PPARGC1A: variants seen among roughly 807,000 people sequenced by gnomAD.
PPARGC1A encodes the protein peroxisome proliferator-activated receptor gamma coactivator 1-alpha.
In PPARGC1A, 25 loss-of-function variants were observed where a neutral mutation model predicts 88.7. That is an observed-to-expected ratio of 0.28 (90% confidence interval 0.21 to 0.39). The LOEUF (loss-of-function observed/expected upper bound fraction) is 0.39. Among genes scored for constraint, PPARGC1A ranks in the 10% least tolerant of loss-of-function variants. The pLI is 1.00. For synonymous variants in PPARGC1A, 363 were observed against 355.6 expected (o/e 1.02, Z -0.24); for missense variants, 880 against 968.7 (o/e 0.91, Z 1.22).
chr4:24,272,383 A>T, the PPARGC1A span, among the ~76,000 whole-genome samples: 1 of 152,130 alleles, frequency 6.6e-6, no homozygotes, highest in Non-Finnish European at 1.5e-5. Flanking sequence ...CCAGAGAACC[A>T]CTGAGGAGGC....
chr4:24,039,844 GCCACCACCA>G, the PPARGC1A span, among the ~76,000 whole-genome samples: 1 of 151,970 alleles, frequency 6.6e-6, no homozygotes, highest in African/African-American at 2.4e-5. Flanking sequence ...AGCCACTGCT[GCCACCACCA>G]CCACCACCAT....
At chr4:23,913,636 G>A in the PPARGC1A span, among the ~76,000 whole-genome samples, 1 of 152,140 alleles carries the variant, frequency 6.6e-6, no homozygotes, top group Non-Finnish European at 1.5e-5. Flanking sequence ...ACGAAGACAA[G>A]AACAATGTCT....
chr4:24,163,388 C>T, the PPARGC1A span, among the ~76,000 whole-genome samples: 1 of 151,954 alleles, frequency 6.6e-6, no homozygotes, highest in East Asian at 1.9e-4. Context: ...CCTGAATACA[C>T]AGCCCTGTCG....
At chr4:23,827,985 C>T (rs2109652087) in intron 5 of PPARGC1A, among the ~76,000 whole-genome samples, 1 of 152,198 alleles carries the variant, frequency 6.6e-6, no homozygotes, top group Admixed American at 6.5e-5. Flanking sequence ...CTATTTACTA[C>T]TTCTTAAGGT....
At chr4:24,309,879 A>T in the PPARGC1A span, among the ~76,000 whole-genome samples, 8 of 152,220 alleles carry the variant, frequency 5.3e-5, no homozygotes, top group African/African-American at 1.9e-4. Flanking sequence ...TAATGGTGGT[A>T]AGGGTGATGG....
upstream of PPARGC1A, among the ~76,000 whole-genome samples, chr4:23,904,491 T>C (rs1286069540): frequency 2.0e-5 from 3 of 152,162 alleles, no homozygotes; most frequent in Admixed American, 1.3e-4. Context: ...TGCAAACTGG[T>C]TAATATTGAC....
chr4:24,377,215 A>G, the PPARGC1A span, among the ~76,000 whole-genome samples: 1 of 152,128 alleles, frequency 6.6e-6, no homozygotes, highest in Non-Finnish European at 1.5e-5. Flanking sequence ...TTTCTAGAAC[A>G]ACATTAATTT....
At chr4:24,335,266 AT>A in the PPARGC1A span, among the ~76,000 whole-genome samples, 2 of 152,154 alleles carry the variant, frequency 1.3e-5, no homozygotes, top group African/African-American at 4.8e-5. Flanking sequence ...ATGTCCCCTG[AT>A]TTAGGTATGG....
the PPARGC1A span, among the ~76,000 whole-genome samples, chr4:24,172,421 C>T: frequency 2.0e-5 from 3 of 152,206 alleles, no homozygotes; most frequent in Admixed American, 6.5e-5. Flanking sequence ...GGGGAACACA[C>T]AGATGCATCA....
chr4:23,990,577 T>G, the PPARGC1A span, among the ~76,000 whole-genome samples: 1 of 152,072 alleles, frequency 6.6e-6, no homozygotes, highest in Admixed American at 6.6e-5. Flanking sequence ...TGCCAGCCAC[T>G]CTGGAGACTG....
chr4:24,134,282 C>A, the PPARGC1A span, among the ~76,000 whole-genome samples: 1 of 152,224 alleles, frequency 6.6e-6, no homozygotes, highest in Non-Finnish European at 1.5e-5. Context: ...GACTTCCCTG[C>A]CCTCACGTTA....
At chr4:24,232,730 T>C in the PPARGC1A span, among the ~76,000 whole-genome samples, 14 of 152,232 alleles carry the variant, frequency 9.2e-5, no homozygotes, top group Admixed American at 2.0e-4. Flanking sequence ...CAGCCTGGCC[T>C]GATTAGAAGA....
chr4:24,102,055 A>AG, the PPARGC1A span, among the ~76,000 whole-genome samples: 1 of 152,196 alleles, frequency 6.6e-6, no homozygotes, highest in Non-Finnish European at 1.5e-5. Context: ...GCACGACCCC[A>AG]GGGATCCATC....
the PPARGC1A span, among the ~76,000 whole-genome samples, chr4:24,279,636 T>G: frequency 1.3e-5 from 2 of 152,038 alleles, no homozygotes; most frequent in Non-Finnish European, 2.9e-5. Flanking sequence ...GTCTTCTCAC[T>G]CCCCACTCCT....
the PPARGC1A span, among the ~76,000 whole-genome samples, chr4:24,277,798 A>G: frequency 6.6e-6 from 1 of 152,092 alleles, no homozygotes; most frequent in Non-Finnish European, 1.5e-5. Context: ...AGGAGAGCAA[A>G]TGCTGCTCCT....
chr4:24,361,561 G>A, the PPARGC1A span, among the ~76,000 whole-genome samples: 1 of 152,076 alleles, frequency 6.6e-6, no homozygotes, highest in Non-Finnish European at 1.5e-5. Context: ...GTCTATAGAT[G>A]GGATGTGTAC....
the PPARGC1A span, among the ~76,000 whole-genome samples, chr4:24,112,644 T>G: frequency 2.0e-5 from 3 of 152,238 alleles, no homozygotes; most frequent in Admixed American, 2.0e-4. Flanking sequence ...TTCATCACTG[T>G]TAATGTGGTT....
the PPARGC1A span, among the ~76,000 whole-genome samples, chr4:24,009,697 C>T: frequency 6.6e-6 from 1 of 152,198 alleles, no homozygotes; most frequent in South Asian, 2.1e-4. Flanking sequence ...CTGATGAGAT[C>T]TCAGTTTCAG....
At chr4:23,998,533 C>A in the PPARGC1A span, among the ~76,000 whole-genome samples, 1 of 152,084 alleles carries the variant, frequency 6.6e-6, no homozygotes, top group Non-Finnish European at 1.5e-5. Flanking sequence ...AAAATGATAT[C>A]TTCTTAATTA....
Sources: gnomAD v4.1 joint callset for allele counts (sites outside exome capture counted in the v4.1 genomes callset) on GRCh38, gnomAD v4.1.1 for gene constraint, MANE v1.5 for transcripts, NCBI Gene and HGNC (gene_info 2026-07-23, HGNC 2026-07-21) for gene names.